The following PIK3R3 variants were observed in gnomAD, a reference collection of about 807,000 sequenced individuals.
PIK3R3 encodes phosphoinositide-3-kinase regulatory subunit 3.
Under a neutral mutation model 62.9 loss-of-function variants are expected in PIK3R3, and 64 were observed. That is an observed-to-expected ratio of 1.02 (90% CI 0.83 to 1.25). PIK3R3 has a LOEUF of 1.25. PIK3R3 is among the 50% of genes most tolerant of loss of function. PIK3R3 has a pLI of 0.00. For synonymous variants in PIK3R3, 165 were observed against 189.0 expected, an observed-to-expected ratio of 0.87 and a Z score of 1.04; for missense variants, 614 against 561.6, an observed-to-expected ratio of 1.09 and a Z score of -0.94.
chr1:46,085,346 T>C (rs536615258), intron 1 of PIK3R3, among the ~76,000 whole-genome samples: 6 of 152,316 alleles, frequency 3.9e-5, no homozygotes, highest in African/African-American at 9.6e-5. Flanking sequence ...CTAGATTAGA[T>C]AGACACAGTC....
At chr1:46,164,203 G>C in the PIK3R3 span, among the ~76,000 whole-genome samples, 9,457 of 152,164 alleles carry the variant, frequency 0.062, 816 homozygotes, top group African/African-American at 0.2. Flanking sequence ...CAAGCCTCCT[G>C]CCAAATATGT....
the PIK3R3 span, among the ~76,000 whole-genome samples, chr1:46,165,353 T>C: frequency 6.7e-6 from 1 of 149,928 alleles, no homozygotes; most frequent in African/African-American, 2.5e-5. Flanking sequence ...TTGCCCAGGC[T>C]GGAATGCAAT....
At chr1:46,094,002 G>C (rs909459166) in intron 1 of PIK3R3, among the ~76,000 whole-genome samples, 1 of 151,598 alleles carries the variant, frequency 6.6e-6, no homozygotes, top group Non-Finnish European at 1.5e-5. Context: ...CCAGGATGTC[G>C]AGGCTACAGT....
At chr1:46,153,716 C>A in the PIK3R3 span, among the ~76,000 whole-genome samples, 2 of 152,248 alleles carry the variant, frequency 1.3e-5, no homozygotes, top group Non-Finnish European at 1.5e-5. Context: ...CTCCCCCCAA[C>A]TCACTTCTCA....
chr1:46,087,673 G>C lies in PIK3R3; in HGVS notation c.107-6923C>G, dbSNP rs867410054. Reference sequence around the variant, plus strand: ...TGGTCTCGAATTCCTGGGCTCAAATGATCTTCCTGCCTTGGCCTCCCAAAG... The same window carrying C: ...TGGTCTCGAATTCCTGGGCTCAAATCATCTTCCTGCCTTGGCCTCCCAAAG... On this transcript the variant is annotated intron_variant, in intron 1 of 9. Coordinates refer to ENST00000262741, the MANE Select transcript of PIK3R3 (RefSeq NM_003629.4). 3.1e-4 allele frequency among the ~76,000 whole-genome samples: 41 copies of C among 131,104 alleles called. 1 individual carries two copies. In the Middle Eastern group the frequency reaches 0.052, roughly 165 times the overall value. 86.0% of individuals were successfully genotyped at this position (131,104 alleles called of 152,430 possible).
At chr1:46,046,480 A>G (rs1647119068) in intron 8 of PIK3R3, 71 bp downstream of exon 8, 3 of 967,734 alleles carry the variant, frequency 3.1e-6, no homozygotes, top group Admixed American at 1.8e-5. Flanking sequence ...AATATTTACC[A>G]CGTATAAACA....
chr1:46,166,699 T>C, the PIK3R3 span, among the ~76,000 whole-genome samples: 3 of 152,202 alleles, frequency 2.0e-5, no homozygotes, highest in Admixed American at 2.0e-4. Context: ...TTCGCTTCCT[T>C]GCGAGGGTAC....
intron 1 of PIK3R3, among the ~76,000 whole-genome samples, chr1:46,110,212 A>G (rs1356526238): frequency 6.6e-6 from 1 of 150,394 alleles, no homozygotes; most frequent in Non-Finnish European, 1.5e-5. Context: ...CGCAGGTTCA[A>G]GTGATTCTCC....
the PIK3R3 span, among the ~76,000 whole-genome samples, chr1:46,145,559 G>A: frequency 6.6e-6 from 1 of 151,934 alleles, no homozygotes; most frequent in Admixed American, 6.6e-5. Flanking sequence ...AGGAAACAAG[G>A]CTCTTTTAAC....
chr1:46,045,108 T>C (rs1008445768), intron 9 of PIK3R3, among the ~76,000 whole-genome samples: 1 of 152,222 alleles, frequency 6.6e-6, no homozygotes, highest in Non-Finnish European at 1.5e-5. Flanking sequence ...TAAAAGCATA[T>C]TGTATTACAC....
At chr1:46,165,574 G>A in the PIK3R3 span, among the ~76,000 whole-genome samples, 5 of 151,712 alleles carry the variant, frequency 3.3e-5, no homozygotes, top group African/African-American at 1.2e-4. Flanking sequence ...CCAAAGTGCT[G>A]GGATTACAAG....
At chr1:46,066,765 T>A in intron 4 of PIK3R3, 146 bp downstream of exon 4, 1 of 708,506 alleles carries the variant, frequency 1.4e-6, no homozygotes, top group Non-Finnish European at 2.4e-6. Context: ...CAATCCAGCC[T>A]GGGCAACAGA....
At chr1:46,080,910 T>C (rs888466502) in intron 1 of PIK3R3, among the ~76,000 whole-genome samples, 160 bp from the exon 2 acceptor site, 1 of 152,204 alleles carries the variant, frequency 6.6e-6, no homozygotes, top group Non-Finnish European at 1.5e-5. Context: ...AGGAATCCTT[T>C]TGATTGCCTA....
At chr1:46,070,222 T>C (rs1030104239) in intron 3 of PIK3R3, among the ~76,000 whole-genome samples, 12 of 152,336 alleles carry the variant, frequency 7.9e-5, no homozygotes, top group African/African-American at 2.9e-4. Context: ...GACAAGATTA[T>C]TCCTAGAGTG....
At chr1:46,099,179 AAGGTACT>A (rs1391279774) in intron 1 of PIK3R3, among the ~76,000 whole-genome samples, 1 of 152,260 alleles carries the variant, frequency 6.6e-6, no homozygotes, top group African/African-American at 2.4e-5. Flanking sequence ...AAAGTAGTCA[AAGGTACT>A]TTCAAAATTC....
rs996765865 is a variant in PIK3R3, at chr1:46,062,500, G to A, written c.622-429C>T. Among the ~76,000 whole-genome samples the A allele has an allele frequency of 5.3e-5, 8 of 152,160 alleles. No homozygotes were observed. In the East Asian group the frequency reaches 7.7e-4, roughly 15 times the overall value. ...CGAGGCAGGAGAATTGCTTGAACCC[G>A]GAAGGCAGAGGTTGCAGTGAGCTGA... On this transcript the variant is annotated intron_variant, in intron 5 of 9. Coordinates refer to ENST00000262741, the MANE Select transcript of PIK3R3 (RefSeq NM_003629.4).
At chr1:46,135,873 T>TA (rs1391107064), upstream of PIK3R3, among the ~76,000 whole-genome samples, 1 of 151,676 alleles carries the variant, frequency 6.6e-6, no homozygotes, top group East Asian at 1.9e-4. Flanking sequence ...ATACTAAAAA[T>TA]AAAAAAATTA....
At chr1:46,151,270 C>G in the PIK3R3 span, among the ~76,000 whole-genome samples, 4 of 152,180 alleles carry the variant, frequency 2.6e-5, no homozygotes, top group Non-Finnish European at 4.4e-5. Context: ...AAAACCACAT[C>G]TGATCCATTC....
intron 1 of PIK3R3, among the ~76,000 whole-genome samples, chr1:46,081,419 G>A (rs957114834): frequency 2.0e-5 from 3 of 152,188 alleles, no homozygotes; most frequent in Admixed American, 2.0e-4. Flanking sequence ...AGCAGGAAGT[G>A]AGCAGTGGGC....
Sources: allele counts gnomAD v4.1 joint callset (sites outside exome capture counted in the v4.1 genomes callset), GRCh38; gene constraint gnomAD v4.1.1; transcripts MANE v1.5; gene names NCBI Gene and HGNC (gene_info 2026-07-23, HGNC 2026-07-21).